TENT4B: variants seen among roughly 807,000 people sequenced by gnomAD.
The protein encoded by TENT4B is terminal nucleotidyltransferase 4B, also known as PAP associated domain containing 5.
Under a neutral mutation model 75.0 loss-of-function variants are expected in TENT4B, and 10 were observed. The observed-to-expected ratio is 0.13, with a 90% CI of 0.08 to 0.23. TENT4B has a LOEUF of 0.23. Among genes scored for constraint, TENT4B ranks in the 10% least tolerant of loss-of-function variants. The probability of loss-of-function intolerance (pLI) is 1.00; values close to 1 mark genes in which losing one functional copy is unlikely to be tolerated. For synonymous variants in TENT4B, 350 were observed against 357.7 expected (o/e 0.98, Z 0.24); for missense variants, 579 against 893.8 (o/e 0.65, Z 4.49).
chr16:50,215,172 G>C (rs1335526064), intron 3 of TENT4B, among the ~76,000 whole-genome samples: 1 of 152,122 alleles, frequency 6.6e-6, no homozygotes, highest in Non-Finnish European at 1.5e-5. Context: ...GTGAATACTT[G>C]CTCTCTAAGA....
intron 1 of TENT4B, among the ~76,000 whole-genome samples, chr16:50,194,789 C>A (rs2030106782): frequency 2.1e-5 from 3 of 146,290 alleles, no homozygotes; most frequent in South Asian, 4.4e-4. Context: ...CGCTCTGTCA[C>A]CCAGGCTGGA....
rs796254804 is a variant in TENT4B at position 50,177,029 on chromosome 16, A to C, written c.638+22770A>C. ...TCTATTTTTTTTTTTTTGAGATGGA[A>C]TCTTGCTCTGTCGCCTAGGCTGGAG... On this transcript the variant is annotated intron_variant, in intron 1 of 11. Coordinates refer to ENST00000561678, the MANE Select transcript of TENT4B (RefSeq NM_001365324.3). Among the ~76,000 whole-genome samples the C allele has an allele frequency of 2.9e-4, 42 of 146,474 alleles. 1 individual carries two copies. The highest frequency in any genetic ancestry group is 1.1e-3 in the African/African-American group (42 of 39,694).
At chr16:50,165,949 T>C (rs1597224283) in intron 1 of TENT4B, among the ~76,000 whole-genome samples, 1 of 152,210 alleles carries the variant, frequency 6.6e-6, no homozygotes, top group East Asian at 1.9e-4. Flanking sequence ...AGTGAGGAAT[T>C]CCTGGGTCTT....
upstream of TENT4B, chr16:50,152,954 T>A (rs936766959): frequency 6.6e-7 from 1 of 1,505,614 alleles, no homozygotes; most frequent in African/African-American, 1.4e-5. Context: ...GCAACCTCCA[T>A]GCGGCCTCGT....
At chr16:50,209,802 C>A (rs8048998) in intron 1 of TENT4B, among the ~76,000 whole-genome samples, 2,629 of 152,300 alleles carry the variant, frequency 0.017, 88 homozygotes, top group African/African-American at 0.06. Flanking sequence ...AATAAAAAAT[C>A]AGAAGGAGGA....
chr16:50,226,622 G>T (rs1463484014), intron 10 of TENT4B, among the ~76,000 whole-genome samples: 1 of 151,786 alleles, frequency 6.6e-6, no homozygotes, highest in Non-Finnish European at 1.5e-5. Flanking sequence ...TAGAGCCAGG[G>T]TTTCACCGTG....
Position 50,229,516 on chromosome 16 carries a change from CAAAA to C in TENT4B, c.*195_*198del, listed in dbSNP as rs57483253. 4.5e-6 allele frequency: 5 copies of C among 1,114,030 alleles called. No individual in the cohort carries two copies. Among genetic ancestry groups the C allele is most frequent in the South Asian group, 4.4e-5 (1 of 22,654 alleles). 69.0% of individuals were successfully genotyped at this position (1,114,030 alleles called of 1,614,324 possible). ...CAACTGCAAAAAAAACAAAACAAAA[CAAAA>C]AAAAAAGCAAGCAAAAAAGAGGGAA... On this transcript the variant is annotated 3_prime_UTR_variant, in exon 12 of 12. Coordinates refer to ENST00000561678, the MANE Select transcript of TENT4B (RefSeq NM_001365324.3).
intron 1 of TENT4B, among the ~76,000 whole-genome samples, chr16:50,175,202 C>T (rs780364122): frequency 2.4e-4 from 37 of 152,082 alleles, no homozygotes; most frequent in Non-Finnish European, 1.0e-4. Flanking sequence ...TTATTAGATA[C>T]GTGTTTTGCA....
Position 50,179,554 on chromosome 16 carries a change from A to G in TENT4B, c.638+25295A>G, listed in dbSNP as rs538202037. On this transcript the variant is annotated intron_variant, in intron 1 of 11. Coordinates refer to ENST00000561678, the MANE Select transcript of TENT4B (RefSeq NM_001365324.3). ...AAATTGTATATATGAGGTTAATCTG[A>G]TATTTGCAGAAGATATTCATGCATT... is the stretch of plus-strand genomic sequence containing the variant. Among the ~76,000 whole-genome samples the G allele has an allele frequency of 1.9e-3, 286 of 152,250 alleles. 2 individuals carry two copies. Among genetic ancestry groups the G allele is most frequent in the African/African-American group, 6.0e-3 (248 of 41,546 alleles).
At position 50,222,249 on chromosome 16, in the gene TENT4B, A is replaced by G. The variant is rs1161094432; in HGVS notation, c.1039-57A>G. On this transcript the variant is annotated intron_variant, in intron 5 of 11. Transcript: ENST00000561678. ...TAAGGACCAATTTATGCCCCTCTTA[A>G]TGCTTAGATCTGTTGCTGATACAGG... is the stretch of plus-strand genomic sequence containing the variant. 2.0e-6 allele frequency: 3 copies of G among 1,483,714 alleles called. No individual in the cohort carries two copies. The East Asian group carries it at 7.4e-5, about 37-fold the overall frequency. The allele number at this position is 1,483,714 out of a possible 1,614,324, so 91.9% of individuals were successfully genotyped here.
chr16:50,204,829 A>G (rs2030856472), intron 1 of TENT4B, among the ~76,000 whole-genome samples: 1 of 149,908 alleles, frequency 6.7e-6, no homozygotes, highest in Non-Finnish European at 1.5e-5. Context: ...ACACTAGCAG[A>G]AACTCACCAC....
intron 1 of TENT4B, among the ~76,000 whole-genome samples, chr16:50,159,194 TTC>T (rs1190056389): frequency 6.6e-6 from 1 of 151,944 alleles, no homozygotes; most frequent in African/African-American, 2.4e-5. Context: ...TTATATCTGC[TTC>T]TCTTTCTCTC....
chr16:50,166,080 CTTT>C (rs34403390), intron 1 of TENT4B, among the ~76,000 whole-genome samples: 1 of 117,544 alleles, frequency 8.5e-6, no homozygotes, highest in Non-Finnish European at 1.7e-5. Context: ...CTTGACAGCA[CTTT>C]TTTTTTTTTT....
At chr16:50,209,600 G>A (rs574994104) in intron 1 of TENT4B, among the ~76,000 whole-genome samples, 1 of 152,280 alleles carries the variant, frequency 6.6e-6, no homozygotes, top group East Asian at 1.9e-4. Flanking sequence ...CAGGCCGAAC[G>A]CTGTTGTAAA....
At chr16:50,154,999 A>G (rs779824107) in intron 1 of TENT4B, among the ~76,000 whole-genome samples, 7 of 152,148 alleles carry the variant, frequency 4.6e-5, no homozygotes, top group Non-Finnish European at 7.4e-5. Flanking sequence ...CCGCGGCTCC[A>G]GCTTCTCACT....
chr16:50,176,543 G>T (rs2038314594), intron 1 of TENT4B, among the ~76,000 whole-genome samples: 2 of 104,286 alleles, frequency 1.9e-5, no homozygotes, highest in Non-Finnish European at 3.4e-5. Flanking sequence ...GTCTTGCTCT[G>T]TCGCCCAGGC....
chr16:50,205,318 A>G (rs2030887913), intron 1 of TENT4B, among the ~76,000 whole-genome samples: 1 of 152,096 alleles, frequency 6.6e-6, no homozygotes, highest in African/African-American at 2.4e-5. Flanking sequence ...CTCATCAAGC[A>G]GACAATAATC....
At chr16:50,176,007 TC>T (rs2038301084) in intron 1 of TENT4B, among the ~76,000 whole-genome samples, 2 of 152,118 alleles carry the variant, frequency 1.3e-5, no homozygotes, top group South Asian at 4.1e-4. Flanking sequence ...GGTCTTGAAC[TC>T]CTGGGCTGAA....
In TENT4B at chr16:50,231,200, T is replaced by A; in HGVS notation, c.*1872T>A. 1.0e-6 allele frequency: 1 copy of A among 985,316 alleles called. No individual in the cohort carries two copies. Among genetic ancestry groups the A allele is most frequent in the Non-Finnish European group, 1.2e-6 (1 of 829,426 alleles). 61.0% of individuals were successfully genotyped at this position (985,316 alleles called of 1,614,324 possible). A position where few individuals can be genotyped will look rare whatever the true frequency, so the allele number is the denominator to read the frequency against. ...AATGTGATGTTATTTTGACAATGTT[T>A]TAAATTTTAGAGTCACATTTTATTC... On this transcript the variant is annotated 3_prime_UTR_variant, in exon 12 of 12. Coordinates refer to ENST00000561678, the MANE Select transcript of TENT4B (RefSeq NM_001365324.3).
Sources: gnomAD v4.1 joint callset for allele counts (sites outside exome capture counted in the v4.1 genomes callset) on GRCh38, gnomAD v4.1.1 for gene constraint, MANE v1.5 for transcripts, NCBI Gene and HGNC (gene_info 2026-07-23, HGNC 2026-07-21) for gene names.